The following SGCD variants were observed in gnomAD, a reference collection of about 807,000 sequenced individuals.
SGCD encodes the protein sarcoglycan delta.
Under a neutral mutation model 36.6 loss-of-function variants are expected in SGCD, and 18 were observed. That is an observed-to-expected ratio of 0.49 (90% CI 0.34 to 0.73). The LOEUF (loss-of-function observed/expected upper bound fraction) is 0.73, where lower values mean the gene tolerates loss of function less well. Among genes scored for constraint, SGCD ranks in the 30% least tolerant of loss-of-function variants. The pLI is 0.01. For missense variants in SGCD, 387 were observed against 346.7 expected (o/e 1.12, Z -0.92); for synonymous variants, 133 against 130.6 (o/e 1.02, Z -0.12).
intron 3 of SGCD, among the ~76,000 whole-genome samples, chr5:156,415,513 G>C (rs1772983219): frequency 6.6e-6 from 1 of 152,212 alleles, no homozygotes; most frequent in Non-Finnish European, 1.5e-5. Flanking sequence ...CTGATTTCAT[G>C]ATTCAGCTGT....
chr5:156,001,667 A>G (rs1179691617), intron 1 of SGCD, among the ~76,000 whole-genome samples: 1 of 152,254 alleles, frequency 6.6e-6, no homozygotes, highest in Non-Finnish European at 1.5e-5. Context: ...TTTCTATTAG[A>G]TAAATGCGTT....
chr5:155,787,454 A>G, the SGCD span, among the ~76,000 whole-genome samples: 1 of 152,132 alleles, frequency 6.6e-6, no homozygotes, highest in Admixed American at 6.6e-5. Flanking sequence ...ATGACTCCTT[A>G]GCATCATGAG....
chr5:155,975,380 G>A (rs975908862), intron 1 of SGCD, among the ~76,000 whole-genome samples: 2 of 152,014 alleles, frequency 1.3e-5, no homozygotes, highest in South Asian at 2.1e-4. Flanking sequence ...ATGAACAGGA[G>A]GGGGCTACTG....
intron 1 of SGCD, among the ~76,000 whole-genome samples, chr5:155,967,085 A>AT (rs970354493): frequency 2.6e-5 from 4 of 151,638 alleles, no homozygotes; most frequent in South Asian, 2.1e-4. Flanking sequence ...ACTAGCAGGC[A>AT]TTTTTTTTCC....
At chr5:156,386,730 G>A (rs1771294762) in intron 3 of SGCD, among the ~76,000 whole-genome samples, 1 of 152,186 alleles carries the variant, frequency 6.6e-6, no homozygotes, top group Admixed American at 6.5e-5. Flanking sequence ...TAGAGCTTCG[G>A]AGCACTCCAA....
At chr5:155,928,989 A>C (rs1452766777) in intron 1 of SGCD, among the ~76,000 whole-genome samples, 1 of 152,160 alleles carries the variant, frequency 6.6e-6, no homozygotes, top group Non-Finnish European at 1.5e-5. Context: ...TACTTTTTAA[A>C]TGTTAAAAGT....
Position 156,060,674 on chromosome 5 carries a change from C to T in SGCD, c.-281-57204C>T, listed in dbSNP as rs1333204041. The stretch of plus-strand genomic sequence containing the variant: ...TGTAAAGATGTTTGGAGGTGGGAGG[C>T]CCTATGAAGAATTTGGGTGGATTCA... On this transcript the variant is annotated intron_variant, in intron 1 of 9. Transcript: ENST00000517913. Among the ~76,000 whole-genome samples the T allele has an allele frequency of 1.4e-5, 2 of 145,066 alleles. 1 individual carries two copies. Among genetic ancestry groups the T allele is most frequent in the Non-Finnish European group, 3.1e-5 (2 of 64,504 alleles).
chr5:156,114,020 G>A (rs898576026), intron 1 of SGCD, among the ~76,000 whole-genome samples: 2 of 152,120 alleles, frequency 1.3e-5, no homozygotes, highest in Admixed American at 6.6e-5. Context: ...AATAGATGGA[G>A]CCAGGGAATT....
chr5:156,650,968 G>A (rs1483154259), intron 7 of SGCD, among the ~76,000 whole-genome samples: 2 of 152,060 alleles, frequency 1.3e-5, no homozygotes, highest in Non-Finnish European at 2.9e-5. Context: ...TTACTCCACA[G>A]TCTCACCAAC....
Position 156,507,198 on chromosome 5 carries a change from T to C in SGCD, c.193-1403T>C, listed in dbSNP as rs79983352. ...AGGTGATCTTAAAATGGAGAGGTTA[T>C]CCTGGGTTATCCAGATGTGCCCAGT... On this transcript the variant is annotated intron_variant, in intron 3 of 8. Transcript: ENST00000337851. 8.8e-3 allele frequency among the ~76,000 whole-genome samples: 1,337 copies of C among 152,326 alleles called. 12 individuals carry two copies. Among genetic ancestry groups the C allele is most frequent in the African/African-American group, 0.03 (1,244 of 41,584 alleles).
intron 3 of SGCD, among the ~76,000 whole-genome samples, chr5:156,476,355 A>G (rs1755174843): frequency 6.6e-6 from 1 of 152,218 alleles, no homozygotes; most frequent in South Asian, 2.1e-4. Context: ...ACTGTGCATA[A>G]GTGAGAGCGG....
intron 3 of SGCD, among the ~76,000 whole-genome samples, chr5:156,276,445 C>G (rs1766320423): frequency 1.3e-5 from 2 of 152,170 alleles, no homozygotes; most frequent in South Asian, 2.1e-4. Context: ...TAGTTTGACA[C>G]TCAGCATCAG....
At chr5:156,497,183 C>T (rs1311576818) in intron 3 of SGCD, among the ~76,000 whole-genome samples, 1 of 32,522 alleles carries the variant, frequency 3.1e-5, no homozygotes. Context: ...CTCTCTCTCT[C>T]TCTCTCTCTC....
chr5:156,309,417 T>C (rs1426059855), intron 3 of SGCD, among the ~76,000 whole-genome samples: 3 of 152,046 alleles, frequency 2.0e-5, no homozygotes, highest in Admixed American at 2.0e-4. Flanking sequence ...TGATTCTTTC[T>C]TCTGCTTGCT....
At chr5:156,042,465 A>G (rs989830337) in intron 1 of SGCD, among the ~76,000 whole-genome samples, 3 of 152,214 alleles carry the variant, frequency 2.0e-5, no homozygotes, top group East Asian at 1.9e-4. Flanking sequence ...CAATTTATCA[A>G]GATGGAGAAT....
chr5:156,695,531 A>AGATAGATG (rs1561862035), intron 7 of SGCD, among the ~76,000 whole-genome samples: 5 of 122,376 alleles, frequency 4.1e-5, no homozygotes, highest in African/African-American at 1.6e-4. Context: ...ATAGATAGAT[A>AGATAGATG]GATAGATAGA....
At chr5:156,551,618 G>A (rs1242583467) in intron 4 of SGCD, among the ~76,000 whole-genome samples, 2 of 152,136 alleles carry the variant, frequency 1.3e-5, no homozygotes, top group African/African-American at 2.4e-5. Context: ...AAAGGAAGTG[G>A]GGGAGGAAAG....
chr5:156,019,412 CT>C (rs1759052546), intron 1 of SGCD, among the ~76,000 whole-genome samples: 1 of 152,134 alleles, frequency 6.6e-6, no homozygotes, highest in African/African-American at 2.4e-5. Flanking sequence ...AAAAAAAAGC[CT>C]TTCATTTAAA....
At chr5:156,291,444 A>G (rs1439808283) in intron 3 of SGCD, among the ~76,000 whole-genome samples, 2 of 152,148 alleles carry the variant, frequency 1.3e-5, no homozygotes, top group Non-Finnish European at 2.9e-5. Flanking sequence ...TGTTCCAATA[A>G]AATGTCATTT....
Sources: gnomAD v4.1 joint callset for allele counts (sites outside exome capture counted in the v4.1 genomes callset) on GRCh38, gnomAD v4.1.1 for gene constraint, MANE v1.5 for transcripts, NCBI Gene and HGNC (gene_info 2026-07-23, HGNC 2026-07-21) for gene names.